Variants in RALGDS observed in about 807,000 individuals in gnomAD.
The protein encoded by RALGDS is ral guanine nucleotide exchange factor.
A neutral mutation model predicts 99.8 loss-of-function variants in RALGDS; 44 were observed. The observed-to-expected ratio is 0.44, with a 90% confidence interval of 0.35 to 0.57. The LOEUF (loss-of-function observed/expected upper bound fraction) is 0.57. Among genes scored for constraint, RALGDS ranks in the 20% least tolerant of loss-of-function variants. The pLI is 0.01. For synonymous variants in RALGDS, 529 were observed against 505.0 expected (o/e 1.05, Z -0.64); for missense variants, 1,022 against 1,203.1 (o/e 0.85, Z 2.23).
intron 13 of RALGDS, 79 bp from the exon 14 acceptor site, chr9:133,102,650 T>G (rs577241101): frequency 6.2e-7 from 1 of 1,604,828 alleles, no homozygotes; most frequent in East Asian, 2.2e-5. Flanking sequence ...GAAGCTGGAG[T>G]CGGGGTGCCC....
chr9:133,126,963 C>T (rs1832182493), intron 1 of RALGDS, among the ~76,000 whole-genome samples: 1 of 152,204 alleles, frequency 6.6e-6, no homozygotes, highest in Non-Finnish European at 1.5e-5. Flanking sequence ...CTTGATCCCG[C>T]AAAGCCCCCC....
intron 1 of RALGDS, among the ~76,000 whole-genome samples, chr9:133,138,152 G>C (rs1832456151): frequency 6.6e-6 from 1 of 152,214 alleles, no homozygotes; most frequent in South Asian, 2.1e-4. Flanking sequence ...AGAGGGCACA[G>C]GGCCTTGGCT....
chr9:133,136,938 C>CA (rs1284470758), intron 1 of RALGDS, among the ~76,000 whole-genome samples: 15 of 151,008 alleles, frequency 9.9e-5, no homozygotes, highest in Non-Finnish European at 1.6e-4. Context: ...GACTTCGTCT[C>CA]AAAAAACGAA....
chr9:133,106,888 G>A (rs1831090326), intron 7 of RALGDS, 140 bp from the exon 8 acceptor site: 1 of 903,942 alleles, frequency 1.1e-6, no homozygotes, highest in Non-Finnish European at 1.8e-6. Flanking sequence ...CGACCCGGGG[G>A]TGACAGGAGG....
intron 1 of RALGDS, among the ~76,000 whole-genome samples, chr9:133,140,154 G>C (rs1832494558): frequency 6.6e-6 from 1 of 152,088 alleles, no homozygotes; most frequent in Admixed American, 6.6e-5. Flanking sequence ...GAATCCCTTT[G>C]GAATGGATTC....
At chr9:133,131,211 G>A, upstream of RALGDS, 13 of 1,122,366 alleles carry the variant, frequency 1.2e-5, no homozygotes, top group South Asian at 1.8e-5. Flanking sequence ...CAGCTGAGCA[G>A]ACAGTTCAGG....
chr9:133,107,600 G>A (rs1588523489), intron 6 of RALGDS, among the ~76,000 whole-genome samples: 2 of 152,270 alleles, frequency 1.3e-5, no homozygotes, highest in East Asian at 3.9e-4. Context: ...TACAACTAAG[G>A]GCTTTGTCCA....
At chr9:133,103,573 T>C (rs946231153) in intron 11 of RALGDS, 174 bp downstream of exon 11, 3 of 765,680 alleles carry the variant, frequency 3.9e-6, no homozygotes, top group Non-Finnish European at 6.9e-6. Context: ...GGATGGGCTG[T>C]GTCCCACTCA....
At chr9:133,108,630 CCCT>C (rs1274925813) in intron 5 of RALGDS, 40 bp downstream of exon 5, 8 of 1,607,618 alleles carry the variant, frequency 5.0e-6, no homozygotes, top group East Asian at 2.2e-5. Flanking sequence ...CAGCACCGAC[CCCT>C]CCTCATTCAC....
intron 7 of RALGDS, among the ~76,000 whole-genome samples, 157 bp from the exon 8 acceptor site, chr9:133,106,905 G>A (rs1421306439): frequency 1.3e-5 from 2 of 152,250 alleles, no homozygotes; most frequent in Non-Finnish European, 2.9e-5. Flanking sequence ...GAGGATTTTA[G>A]CTCAACCCAA....
At chr9:133,129,213 C>T (rs777781200) in intron 1 of RALGDS, 78 of 1,597,222 alleles carry the variant, frequency 4.9e-5, no homozygotes, top group Non-Finnish European at 6.4e-5. Flanking sequence ...CGGGCGACGG[C>T]CCTTCTCCTG....
chr9:133,143,500 ATCCTAGCAGT>A (rs1832558456), intron 1 of RALGDS, among the ~76,000 whole-genome samples: 1 of 152,046 alleles, frequency 6.6e-6, no homozygotes, highest in African/African-American at 2.4e-5. Flanking sequence ...CAAGCCTTTA[ATCCTAGCAGT>A]TTGGGAGGCC....
intron 14 of RALGDS, 65 bp from the exon 15 acceptor site, chr9:133,102,204 G>A: frequency 6.7e-7 from 1 of 1,493,882 alleles, no homozygotes. Context: ...CACAGCCCCT[G>A]CACCCTGCGC....
chr9:133,146,083 C>T (rs935077045), intron 1 of RALGDS, among the ~76,000 whole-genome samples: 7 of 152,162 alleles, frequency 4.6e-5, no homozygotes, highest in South Asian at 2.1e-4. Flanking sequence ...GCACCATGAA[C>T]GGGTTGAAAA....
chr9:133,103,964 G>C, intron 10 of RALGDS, 131 bp from the exon 11 acceptor site: 1 of 908,464 alleles, frequency 1.1e-6, no homozygotes, highest in Non-Finnish European at 1.8e-6. Context: ...TGTCTCCCTG[G>C]ACCCCAGACT....
Position 133,106,689 on chromosome 9 carries a change from G to A in RALGDS, c.1473C>T (p.Ser491=), listed in dbSNP as rs1456326135. ...SLYAILSALQ[S]NSIHRLKKTW... is the part of the protein sequence containing the mutation. ...TCTTCTTCAGACGGTGGATGGAGTTGCTCTGCAGGGCAGAGAGGATGGCAT... is the reference window on the plus strand; with the variant it reads ...TCTTCTTCAGACGGTGGATGGAGTTACTCTGCAGGGCAGAGAGGATGGCAT... Residue 491 remains serine, a synonymous_variant, in exon 8 of 18, where the codon AGC becomes AGT. Transcript: ENST00000372050. The A allele has an allele frequency of 6.2e-7, 1 of 1,612,790 alleles. No homozygotes were observed.
At chr9:133,101,183 C>G (rs753602102) in intron 16 of RALGDS, 224 of 1,211,776 alleles carry the variant, frequency 1.8e-4, no homozygotes, top group Non-Finnish European at 2.3e-4. Flanking sequence ...GAGAAGCCAG[C>G]CATCATTGCT....
At chr9:133,131,225 T>C, upstream of RALGDS, 1 of 943,010 alleles carries the variant, frequency 1.1e-6, no homozygotes. Context: ...GTTCAGGGCC[T>C]GGGAGCTCTG....
exon 1 of RALGDS, chr9:133,149,082 G>A (rs1193454990): frequency 9.3e-6 from 8 of 860,306 alleles, no homozygotes; most frequent in Non-Finnish European, 1.2e-5. Context: ...GCCCGGCTGC[G>A]GGGCTCATGG....
Sources: gnomAD v4.1 joint callset for allele counts (sites outside exome capture counted in the v4.1 genomes callset) on GRCh38, gnomAD v4.1.1 for gene constraint, MANE v1.5 for transcripts, NCBI Gene and HGNC (gene_info 2026-07-23, HGNC 2026-07-21) for gene names.